The following ZNF880 variants were observed in gnomAD, a reference collection of about 807,000 sequenced individuals.
ZNF880 encodes the protein zinc finger protein 880.
In ZNF880, 12 loss-of-function variants were observed where a neutral mutation model predicts 11.8. The observed-to-expected ratio is 1.02, with a 90% CI of 0.65 to 1.65. The LOEUF (loss-of-function observed/expected upper bound fraction) is 1.65, where lower values mean the gene tolerates loss of function less well. Ranked by LOEUF, ZNF880 falls within the 40% of genes most tolerant of loss-of-function variation. The probability of loss-of-function intolerance (pLI) is 0.00; values close to 1 mark genes in which losing one functional copy is unlikely to be tolerated. For synonymous variants in ZNF880, 210 were observed against 232.4 expected, an observed-to-expected ratio of 0.90 and a Z score of 0.88; for missense variants, 601 against 673.9, an observed-to-expected ratio of 0.89 and a Z score of 1.20.
intron 3 of ZNF880, among the ~76,000 whole-genome samples, chr19:52,380,392 T>C (rs1986675352): frequency 6.6e-6 from 1 of 152,114 alleles, no homozygotes; most frequent in Admixed American, 6.5e-5. Context: ...ATTAGTGGTA[T>C]TTTGCATGTT....
At chr19:52,369,853 C>G, upstream of ZNF880, 2 of 1,375,622 alleles carry the variant, frequency 1.5e-6, no homozygotes, top group South Asian at 2.5e-5. Flanking sequence ...GGGAGCGAGG[C>G]GGAGGGAAGC....
In ZNF880 at chr19:52,379,075, G is replaced by GA. The variant is rs1052374731; in HGVS notation, c.268+4657dup. 6.1e-5 allele frequency among the ~76,000 whole-genome samples: 9 copies of GA among 148,180 alleles called. 1 individual carries two copies. Among genetic ancestry groups the GA allele is most frequent in the African/African-American group, 9.9e-5 (4 of 40,442 alleles). On this transcript the variant is annotated intron_variant, in intron 3 of 3. Coordinates refer to ENST00000422689, the MANE Select transcript of ZNF880 (RefSeq NM_001145434.2). ...TAGTACAGAGTGATACCCTGTCTCA[G>GA]AAAAAAAAATAAGAAGAAAATAAAA...
downstream of ZNF880, chr19:52,388,826 C>T (rs953706313): frequency 1.3e-5 from 2 of 152,016 alleles, no homozygotes; most frequent in African/African-American, 4.8e-5. Context: ...CAGACATACA[C>T]AAGACTAGGT....
At chr19:52,396,351 G>A in the ZNF880 span, 1 of 152,186 alleles carries the variant, frequency 6.6e-6, no homozygotes, top group Non-Finnish European at 1.5e-5. Context: ...GGTCTCAGGA[G>A]ATTGAAGTAA....
At chr19:52,375,556 A>G (rs775422707) in intron 3 of ZNF880, among the ~76,000 whole-genome samples, 2 of 152,056 alleles carry the variant, frequency 1.3e-5, no homozygotes, top group African/African-American at 2.4e-5. Context: ...GGTTACGTAG[A>G]TAAGTTCTTT....
upstream of ZNF880, among the ~76,000 whole-genome samples, chr19:52,368,605 A>T (rs1192522781): frequency 6.6e-6 from 1 of 151,428 alleles, no homozygotes. Context: ...ATGATTGCTA[A>T]AGGGTAGGGC....
At chr19:52,386,394 T>C (rs1366482124), downstream of ZNF880, among the ~76,000 whole-genome samples, 3 of 143,412 alleles carry the variant, frequency 2.1e-5, no homozygotes, top group African/African-American at 5.4e-5. Flanking sequence ...GGCACAGTGC[T>C]TCTGTGCTCT....
upstream of ZNF880, among the ~76,000 whole-genome samples, chr19:52,369,581 C>T (rs1242211615): frequency 6.6e-6 from 1 of 152,002 alleles, no homozygotes; most frequent in African/African-American, 2.4e-5. Flanking sequence ...CTCTCTCATG[C>T]CCAGGCGGGA....
chr19:52,382,330 T>C (rs1986729720), intron 3 of ZNF880, among the ~76,000 whole-genome samples: 1 of 152,128 alleles, frequency 6.6e-6, no homozygotes, highest in African/African-American at 2.4e-5. Flanking sequence ...AGAGTAATAA[T>C]AAATATCTCT....
the ZNF880 span, chr19:52,396,798 G>A: frequency 6.6e-6 from 1 of 152,234 alleles, no homozygotes; most frequent in African/African-American, 2.4e-5. Flanking sequence ...GCACAGTGGA[G>A]AGGCACAGGC....
intron 3 of ZNF880, among the ~76,000 whole-genome samples, chr19:52,377,858 A>AT (rs1445061839): frequency 6.6e-6 from 1 of 151,574 alleles, no homozygotes; most frequent in Non-Finnish European, 1.5e-5. Flanking sequence ...TTTATTTTTT[A>AT]TTTTTTTTAG....
At chr19:52,392,304 T>TC in the ZNF880 span, among the ~76,000 whole-genome samples, 11 of 125,398 alleles carry the variant, frequency 8.8e-5, no homozygotes, top group Admixed American at 3.2e-4. Flanking sequence ...CTCTCTCTCT[T>TC]TCTTTTCTTT....
At chr19:52,396,121 A>ATTTTT in the ZNF880 span, among the ~76,000 whole-genome samples, 10 of 120,606 alleles carry the variant, frequency 8.3e-5, no homozygotes, top group African/African-American at 2.6e-4. Flanking sequence ...TGCCTGGCTA[A>ATTTTT]TTTTTTTTTT....
At chr19:52,379,401 T>TA (rs1986645077) in intron 3 of ZNF880, 1 of 431,802 alleles carries the variant, frequency 2.3e-6, no homozygotes, top group Non-Finnish European at 4.5e-6. Flanking sequence ...TTTTCATTTT[T>TA]CTTTTTTTTT....
At chr19:52,395,540 T>G in the ZNF880 span, 1 of 152,064 alleles carries the variant, frequency 6.6e-6, no homozygotes, top group Non-Finnish European at 1.5e-5. Context: ...AGAGATAATC[T>G]CACGGACACA....
intron 3 of ZNF880, among the ~76,000 whole-genome samples, chr19:52,375,487 C>T (rs892858637): frequency 2.6e-5 from 4 of 151,978 alleles, no homozygotes; most frequent in South Asian, 2.1e-4. Flanking sequence ...CCACTGCTCC[C>T]GGGCATAATG....
rs745731903 is a variant in ZNF880, at chr19:52,370,298, C to A, written c.12+321C>A. The A allele has an allele frequency of 2.1e-5, 8 of 384,092 alleles. No individual in the cohort carries two copies. In the South Asian group the frequency reaches 2.2e-4, roughly 10 times the overall value. 23.8% of individuals were successfully genotyped at this position (384,092 alleles called of 1,614,324 possible). A position where few individuals can be genotyped will look rare whatever the true frequency, so the allele number is the denominator to read the frequency against. ...TCTCACCCGCGAGATGGATCCACGT[C>A]TTTCCGGTCCCCCAAGCCTCGCCCT... On this transcript the variant is annotated intron_variant, in intron 1 of 3. Coordinates refer to ENST00000422689, the MANE Select transcript of ZNF880 (RefSeq NM_001145434.2).
At chr19:52,388,967 C>T (rs1196960175), downstream of ZNF880, 1 of 152,204 alleles carries the variant, frequency 6.6e-6, no homozygotes, top group African/African-American at 2.4e-5. Context: ...AGAGCCCGTG[C>T]AGGGAAACTG....
At chr19:52,394,977 T>C in the ZNF880 span, 1 of 152,400 alleles carries the variant, frequency 6.6e-6, no homozygotes, top group Non-Finnish European at 1.5e-5. Flanking sequence ...GACCATATAA[T>C]TCAGGATGTC....
Sources: gnomAD v4.1 joint callset for allele counts (sites outside exome capture counted in the v4.1 genomes callset) on GRCh38, gnomAD v4.1.1 for gene constraint, MANE v1.5 for transcripts, NCBI Gene and HGNC (gene_info 2026-07-23, HGNC 2026-07-21) for gene names.